The following TSNARE1 variants were observed in gnomAD, a reference collection of about 807,000 sequenced individuals.
The protein encoded by TSNARE1 is t-SNARE domain containing 1, also known as t-SNARE domain-containing protein 1.
A neutral mutation model predicts 62.0 loss-of-function variants in TSNARE1; 49 were observed. The observed-to-expected ratio is 0.79, with a 90% CI of 0.63 to 1.00. The LOEUF is 1.00. Ranked by LOEUF, TSNARE1 falls within the 50% of genes least tolerant of loss-of-function variation. TSNARE1 has a pLI of 0.00. For synonymous variants in TSNARE1, 328 were observed against 294.4 expected (o/e 1.11, Z -1.17); for missense variants, 755 against 700.1 (o/e 1.08, Z -0.88).
rs766646951 is a variant in TSNARE1 at position 142,328,818 on chromosome 8, TG to T, written c.893+2082del. ...TGGGGGTCTGTGACAGGGAGGCCTT[TG>T]GGGGGGGGGAGGGTTCCGCACACAG... On this transcript the variant is annotated intron_variant, in intron 6 of 13. Transcript: ENST00000524325. 8.4e-4 allele frequency among the ~76,000 whole-genome samples: 49 copies of T among 58,328 alleles called. 2 individuals carry two copies. The highest frequency in any genetic ancestry group is 0.015 in the Middle Eastern group (2 of 134). The allele number at this position is 58,328 out of a possible 152,430, so 38.3% of individuals were successfully genotyped here.
chr8:142,222,392 C>T (rs1437402601), intron 13 of TSNARE1, among the ~76,000 whole-genome samples: 2 of 142,668 alleles, frequency 1.4e-5, no homozygotes, highest in African/African-American at 5.2e-5. Context: ...ACTCAGTCAT[C>T]CACTCACTCA....
intron 13 of TSNARE1, among the ~76,000 whole-genome samples, chr8:142,212,565 C>G (rs999324079): frequency 6.6e-6 from 1 of 152,056 alleles, no homozygotes; most frequent in African/African-American, 2.4e-5. Flanking sequence ...CTGCCCTGCA[C>G]TCCATCCCTG....
At chr8:142,327,388 C>T (rs1451334570) in intron 6 of TSNARE1, among the ~76,000 whole-genome samples, 5 of 151,820 alleles carry the variant, frequency 3.3e-5, no homozygotes, top group African/African-American at 9.7e-5. Context: ...TACCAGCCGG[C>T]GAATGGGTGT....
chr8:142,329,171 G>C (rs1210067424), intron 6 of TSNARE1, among the ~76,000 whole-genome samples: 3 of 152,228 alleles, frequency 2.0e-5, no homozygotes, highest in Non-Finnish European at 4.4e-5. Context: ...GCCACAGAAG[G>C]CTCTAGATAA....
intron 12 of TSNARE1, among the ~76,000 whole-genome samples, chr8:142,243,432 T>G (rs1268325401): frequency 6.6e-6 from 1 of 152,090 alleles, no homozygotes; most frequent in South Asian, 2.1e-4. Flanking sequence ...AAGAAGGAAA[T>G]CCTCTCATTC....
At position 142,331,221 on chromosome 8, in the gene TSNARE1, C is replaced by T. The variant is rs56743990; in HGVS notation, c.824-251G>A. 7.8e-3 allele frequency among the ~76,000 whole-genome samples: 1,195 copies of T among 152,350 alleles called. 15 individuals are homozygous for T. The highest frequency in any genetic ancestry group is 0.027 in the Middle Eastern group (8 of 294). On this transcript the variant is annotated intron_variant, in intron 5 of 13. Coordinates refer to ENST00000524325, the MANE Select transcript of TSNARE1 (RefSeq NM_145003.5). Reference sequence around the variant, plus strand: ...CAGGCCCACATGCAGCTCAGGGGCTCTGAGGAGCTGCCTCCAGCAGTCTTG... The same window carrying T: ...CAGGCCCACATGCAGCTCAGGGGCTTTGAGGAGCTGCCTCCAGCAGTCTTG...
rs143159525 is a variant in TSNARE1, at chr8:142,376,519, G to A, written c.-39-21756C>T. On this transcript the variant is annotated intron_variant, in intron 1 of 13. Coordinates refer to ENST00000524325, the MANE Select transcript of TSNARE1 (RefSeq NM_145003.5). ...CCACCATGTGTGGGCACAGCAAGACGTCAGCGGCCTGCAACCCAGAAGAGG... is the reference window on the plus strand; with the variant it reads ...CCACCATGTGTGGGCACAGCAAGACATCAGCGGCCTGCAACCCAGAAGAGG... 2.0e-3 allele frequency among the ~76,000 whole-genome samples: 309 copies of A among 152,284 alleles called. 1 individual carries two copies. Among genetic ancestry groups the A allele is most frequent in the African/African-American group, 7.2e-3 (299 of 41,550 alleles).
chr8:142,248,706 C>G (rs995855193), intron 12 of TSNARE1, among the ~76,000 whole-genome samples: 2 of 152,076 alleles, frequency 1.3e-5, no homozygotes, highest in African/African-American at 4.8e-5. Context: ...CTGAGAAGCC[C>G]GGAGGGAGGG....
Position 142,242,488 on chromosome 8 carries a change from T to A in TSNARE1, c.1447-12909A>T, listed in dbSNP as rs1049986315. 6.6e-5 allele frequency among the ~76,000 whole-genome samples: 10 copies of A among 152,222 alleles called. No individual in the cohort carries two copies. The South Asian group carries it at 2.1e-3, about 32-fold the overall frequency. On this transcript the variant is annotated intron_variant, in intron 12 of 13. Coordinates refer to ENST00000524325, the MANE Select transcript of TSNARE1 (RefSeq NM_145003.5). ...CAGAGTGAAGAGATGACCTGCAGAA[T>A]GGGAGGAAATATGTCCAAACCATAC...
At chr8:142,345,934 G>C (rs375998950) in intron 2 of TSNARE1, 42 bp from the exon 3 acceptor site, 62 of 1,583,568 alleles carry the variant, frequency 3.9e-5, no homozygotes, top group Non-Finnish European at 5.3e-5. Context: ...CTCAGCTCAG[G>C]GCGCTCCTGG....
chr8:142,249,044 T>C (rs565371200), intron 12 of TSNARE1, among the ~76,000 whole-genome samples: 1 of 152,322 alleles, frequency 6.6e-6, no homozygotes, highest in East Asian at 1.9e-4. Context: ...TCAGTAATGC[T>C]ACCTCCCCAA....
intron 1 of TSNARE1, among the ~76,000 whole-genome samples, chr8:142,362,016 G>A (rs536293454): frequency 1.8e-4 from 28 of 152,348 alleles, no homozygotes; most frequent in Middle Eastern, 3.4e-3. Context: ...TGGATGAGGC[G>A]CCCCGATGGC....
At chr8:142,292,680 C>T (rs1407856782) in intron 10 of TSNARE1, among the ~76,000 whole-genome samples, 1 of 152,122 alleles carries the variant, frequency 6.6e-6, no homozygotes, top group African/African-American at 2.4e-5. Context: ...GGAAGGAGAG[C>T]AGACATGAAA....
At chr8:142,400,002 C>A (rs1417533303) in intron 1 of TSNARE1, among the ~76,000 whole-genome samples, 2 of 151,824 alleles carry the variant, frequency 1.3e-5, no homozygotes, top group Non-Finnish European at 2.9e-5. Flanking sequence ...CAAGACCAGC[C>A]TGGGCAACTG....
chr8:142,313,407 T>A (rs1208350921), intron 9 of TSNARE1, among the ~76,000 whole-genome samples: 4 of 140,702 alleles, frequency 2.8e-5, no homozygotes, highest in Admixed American at 2.8e-4. Flanking sequence ...TGTCTGTGTT[T>A]ATGTGTCTGT....
intron 1 of TSNARE1, among the ~76,000 whole-genome samples, chr8:142,393,809 C>T (rs1837712220): frequency 6.6e-6 from 1 of 152,228 alleles, no homozygotes; most frequent in Non-Finnish European, 1.5e-5. Flanking sequence ...GCACAAGCTG[C>T]CTGGCTACGT....
At position 142,325,440 on chromosome 8, in the gene TSNARE1, A is replaced by G. The variant is rs140601374; in HGVS notation, c.893+5461T>C. Among the ~76,000 whole-genome samples, 46 of 152,322 alleles carry G rather than the reference A, an allele frequency of 3.0e-4. 1 individual carries two copies. The East Asian group carries it at 8.3e-3, about 27-fold the overall frequency. On this transcript the variant is annotated intron_variant, in intron 6 of 13. Coordinates refer to ENST00000524325, the MANE Select transcript of TSNARE1 (RefSeq NM_145003.5). ...GGGCAAGACTAGGGGTGGGGAGGCC[A>G]AGAGGAGACAGTGCAGGAGCCCAGG...
At chr8:142,306,118 C>G (rs1167822602) in intron 9 of TSNARE1, among the ~76,000 whole-genome samples, 1 of 152,168 alleles carries the variant, frequency 6.6e-6, no homozygotes, top group African/African-American at 2.4e-5. Context: ...CTCCAAGCAG[C>G]AACAGACTCT....
rs892453465 is a variant in TSNARE1 at position 142,319,907 on chromosome 8, G to T, written c.894-1273C>A. ...CGGGGACAGGAGCTTTCTTCCCCGG[G>T]GCCTTGGTCAGGGCCGCCTCCTCCT... On this transcript the variant is annotated intron_variant, in intron 6 of 13. Coordinates refer to ENST00000524325, the MANE Select transcript of TSNARE1 (RefSeq NM_145003.5). This position sits in a 1 kb window ranked among gnomAD's most constrained non-coding sequence, Gnocchi z 4.9. 6.6e-6 allele frequency among the ~76,000 whole-genome samples: 1 copy of T among 152,156 alleles called. No individual in the cohort carries two copies. Among genetic ancestry groups the T allele is most frequent in the East Asian group, 1.9e-4 (1 of 5,178 alleles).
Sources: gnomAD v4.1 joint callset for allele counts (sites outside exome capture counted in the v4.1 genomes callset) on GRCh38, gnomAD v4.1.1 for gene constraint, Gnocchi (gnomAD v3.1) non-coding constraint, MANE v1.5 for transcripts, NCBI Gene and HGNC (gene_info 2026-07-23, HGNC 2026-07-21) for gene names.